UBE2D3: variants seen among roughly 807,000 people sequenced by gnomAD.
UBE2D3 encodes the protein ubiquitin-conjugating enzyme E2 D3.
Under a neutral mutation model 22.8 loss-of-function variants are expected in UBE2D3, and 2 were observed. The ratio of observed to expected loss-of-function variants is 0.09; its 90% confidence interval spans 0.04 to 0.28. The LOEUF (loss-of-function observed/expected upper bound fraction) is 0.28. Ranked by LOEUF, UBE2D3 falls within the 10% of genes least tolerant of loss-of-function variation. UBE2D3 has a pLI of 1.00. For missense variants in UBE2D3, 27 were observed against 182.5 expected, an observed-to-expected ratio of 0.15 and a Z score of 4.91; for synonymous variants, 56 against 60.4, an observed-to-expected ratio of 0.93 and a Z score of 0.34.
At chr4:102,853,328 T>C (rs1732468709) in intron 1 of UBE2D3, among the ~76,000 whole-genome samples, 1 of 148,092 alleles carries the variant, frequency 6.8e-6, no homozygotes, top group South Asian at 2.2e-4. Context: ...GCAATCTCTT[T>C]TCTGTGAATT....
chr4:102,824,780 G>C (rs1313923553), intron 2 of UBE2D3, among the ~76,000 whole-genome samples: 1 of 152,148 alleles, frequency 6.6e-6, no homozygotes, highest in Non-Finnish European at 1.5e-5. Flanking sequence ...AATTCCAACA[G>C]AAAAGATTTT....
At chr4:102,842,283 C>T (rs553937487) in intron 1 of UBE2D3, among the ~76,000 whole-genome samples, 1 of 151,184 alleles carries the variant, frequency 6.6e-6, no homozygotes, top group African/African-American at 2.4e-5. Flanking sequence ...GGGTGAGGTG[C>T]CTCATGCCTG....
At chr4:102,824,667 C>A (rs1262795981) in intron 2 of UBE2D3, among the ~76,000 whole-genome samples, 1 of 152,154 alleles carries the variant, frequency 6.6e-6, no homozygotes, top group Non-Finnish European at 1.5e-5. Context: ...TGGGTATGAC[C>A]TGTAAGAGAA....
At chr4:102,798,869 C>T in intron 7 of UBE2D3, 1 of 1,523,928 alleles carries the variant, frequency 6.6e-7, no homozygotes, top group Non-Finnish European at 9.1e-7. Flanking sequence ...TTAACGCATG[C>T]AGCACTCAAG....
intron 1 of UBE2D3, among the ~76,000 whole-genome samples, chr4:102,852,121 G>C (rs1319178297): frequency 2.0e-5 from 3 of 152,124 alleles, no homozygotes; most frequent in Non-Finnish European, 2.9e-5. Flanking sequence ...AGAAAGAAGA[G>C]GTATACTCTT....
At position 102,827,423 on chromosome 4, in the gene UBE2D3, G is replaced by A. The variant is rs541042052; in HGVS notation, c.-129+4C>T. The A allele has an allele frequency of 6.1e-6, 6 of 986,006 alleles. No individual in the cohort carries two copies. The African/African-American group carries it at 8.7e-5, about 14-fold the overall frequency. 61.1% of individuals were successfully genotyped at this position (986,006 alleles called of 1,614,324 possible). The stretch of plus-strand genomic sequence containing the variant: ...CTGCCCTAGCCGTCCACACCCACGC[G>A]TACAGAGGGGCCGGGGCCTCCCTCA... On this transcript the variant is annotated splice_donor_region_variant and intron_variant, in intron 1 of 7. Transcript: ENST00000453744.
At chr4:102,868,873 C>G (rs1273899537) in exon 1 of UBE2D3, 42 of 1,520,530 alleles carry the variant, frequency 2.8e-5, no homozygotes, top group Non-Finnish European at 3.1e-5. Context: ...CCCGCCAGTT[C>G]CCGCGCCTCG....
upstream of UBE2D3, among the ~76,000 whole-genome samples, chr4:102,828,441 T>C (rs574182098): frequency 6.6e-6 from 1 of 152,120 alleles, no homozygotes; most frequent in East Asian, 1.9e-4. Context: ...TCCCACGTGC[T>C]GAAGTCTAGT....
At position 102,818,434 on chromosome 4, in the gene UBE2D3, T is replaced by C. The variant is rs547871024; in HGVS notation, c.24+8051A>G. Among the ~76,000 whole-genome samples the C allele has an allele frequency of 1.8e-4, 28 of 152,284 alleles. 1 individual carries two copies. The South Asian group carries it at 5.8e-3, about 32-fold the overall frequency. On this transcript the variant is annotated intron_variant, in intron 2 of 7. Transcript: ENST00000453744. ...TTGTATTTAAAAGCCTTAAAAAACC[T>C]ATAGGAAAAGAAGTCAAGGAGACCC...
At chr4:102,798,802 T>C in intron 7 of UBE2D3, 1 of 764,302 alleles carries the variant, frequency 1.3e-6, no homozygotes, top group Non-Finnish European at 2.1e-6. Context: ...AGCAGTTAAA[T>C]GTACAGTTTT....
intron 1 of UBE2D3, among the ~76,000 whole-genome samples, chr4:102,833,615 T>C (rs904515336): frequency 2.6e-5 from 4 of 152,218 alleles, no homozygotes; most frequent in Admixed American, 2.0e-4. Context: ...ATACCTAAAG[T>C]GGAATTTGTT....
intron 4 of UBE2D3, chr4:102,809,366 T>TA: frequency 3.1e-6 from 1 of 319,248 alleles, no homozygotes; most frequent in Non-Finnish European, 6.1e-6. Context: ...TCTCTATAAA[T>TA]AACAGGAAGT....
chr4:102,818,227 T>A (rs1729055285), intron 2 of UBE2D3, among the ~76,000 whole-genome samples: 1 of 152,178 alleles, frequency 6.6e-6, no homozygotes, highest in South Asian at 2.1e-4. Context: ...ACAATCAGGG[T>A]ACAACACTAA....
intron 2 of UBE2D3, among the ~76,000 whole-genome samples, chr4:102,817,722 T>C (rs988995502): frequency 4.6e-5 from 7 of 152,216 alleles, no homozygotes; most frequent in African/African-American, 7.2e-5. Flanking sequence ...CATCCACCGT[T>C]AGTCTGTATC....
chr4:102,835,369 A>G (rs1731337253), intron 1 of UBE2D3, among the ~76,000 whole-genome samples: 2 of 152,254 alleles, frequency 1.3e-5, no homozygotes, highest in Admixed American at 1.3e-4. Context: ...ATGGCATTTT[A>G]TATCATGGAT....
intron 1 of UBE2D3, among the ~76,000 whole-genome samples, chr4:102,839,566 C>A (rs117852106): frequency 6.6e-6 from 1 of 152,290 alleles, no homozygotes; most frequent in East Asian, 1.9e-4. Flanking sequence ...GCTACTGCAC[C>A]CGGCCTCATA....
At chr4:102,839,758 A>G (rs1358781800) in intron 1 of UBE2D3, among the ~76,000 whole-genome samples, 1 of 152,198 alleles carries the variant, frequency 6.6e-6, no homozygotes, top group Non-Finnish European at 1.5e-5. Flanking sequence ...TATGGCTAAG[A>G]CCTCAAAAGC....
At chr4:102,816,309 C>A (rs1330124857) in intron 2 of UBE2D3, among the ~76,000 whole-genome samples, 1 of 152,214 alleles carries the variant, frequency 6.6e-6, no homozygotes, top group Non-Finnish European at 1.5e-5. Context: ...GGACATTCTT[C>A]CTTCTATAAT....
chr4:102,857,908 G>T (rs1732705663), intron 1 of UBE2D3, among the ~76,000 whole-genome samples: 1 of 151,868 alleles, frequency 6.6e-6, no homozygotes, highest in African/African-American at 2.4e-5. Context: ...TGGCCAGGCT[G>T]ATCTCGAACT....
Sources: allele counts gnomAD v4.1 joint callset (sites outside exome capture counted in the v4.1 genomes callset), GRCh38; gene constraint gnomAD v4.1.1; transcripts MANE v1.5; gene names NCBI Gene and HGNC (gene_info 2026-07-23, HGNC 2026-07-21).